The following SEC22A variants were observed in gnomAD, a reference collection of about 807,000 sequenced individuals.
The protein encoded by SEC22A is vesicle-trafficking protein SEC22a.
Under a neutral mutation model 35.3 loss-of-function variants are expected in SEC22A, and 22 were observed. The observed-to-expected ratio is 0.62, with a 90% CI of 0.45 to 0.89. The LOEUF (loss-of-function observed/expected upper bound fraction) is 0.89, where lower values mean the gene tolerates loss of function less well. SEC22A is among the 40% of genes least tolerant of loss of function. SEC22A has a pLI of 0.00. For synonymous variants in SEC22A, 119 were observed against 129.5 expected (o/e 0.92, Z 0.55); for missense variants, 354 against 362.5 (o/e 0.98, Z 0.19).
chr3:123,207,707 T>C (rs529406153), intron 1 of SEC22A, among the ~76,000 whole-genome samples: 6 of 152,336 alleles, frequency 3.9e-5, no homozygotes, highest in Admixed American at 6.5e-5. Context: ...TTCAACTTCT[T>C]ATGCAAGCTA....
At chr3:123,216,818 C>T (rs1937034648) in intron 2 of SEC22A, among the ~76,000 whole-genome samples, 1 of 152,136 alleles carries the variant, frequency 6.6e-6, no homozygotes, top group African/African-American at 2.4e-5. Flanking sequence ...TGTTGAGCCC[C>T]TCTATTCAAT....
intron 4 of SEC22A, among the ~76,000 whole-genome samples, chr3:123,236,522 G>A (rs1937421327): frequency 1.3e-5 from 2 of 152,124 alleles, no homozygotes; most frequent in African/African-American, 4.8e-5. Context: ...ATTTTGGAGA[G>A]CGTCTCTCCA....
intron 6 of SEC22A, among the ~76,000 whole-genome samples, chr3:123,269,177 ATATG>A (rs1419091190): frequency 5.4e-5 from 6 of 112,128 alleles, no homozygotes; most frequent in African/African-American, 1.9e-4. Context: ...TGAATTAAAT[ATATG>A]TGTGTGTGTG....
Position 123,271,888 on chromosome 3 carries a change from A to ACCTGCTAG in SEC22A, c.*166_*167insCCTGCTAG. ...CATGATGTGCCTGTGAGCATGGAAG[A>ACCTGCTAG]GTCCTCTCAGAAGAATGTTGGCCAT... On this transcript the variant is annotated 3_prime_UTR_variant, in exon 7 of 7. Transcript: ENST00000492595. The ACCTGCTAG allele has an allele frequency of 3.6e-6, 2 of 557,588 alleles. No homozygotes were observed. The highest frequency in any genetic ancestry group is 6.1e-6 in the Non-Finnish European group (2 of 325,598). The allele number at this position is 557,588 out of a possible 1,614,324, so 34.5% of individuals were successfully genotyped here.
chr3:123,257,132 A>G (rs1055077621), intron 5 of SEC22A, among the ~76,000 whole-genome samples: 1 of 152,170 alleles, frequency 6.6e-6, no homozygotes, highest in Non-Finnish European at 1.5e-5. Flanking sequence ...TATTTATTAA[A>G]TGGAATAATA....
chr3:123,225,576 G>A (rs1937205943), intron 4 of SEC22A, among the ~76,000 whole-genome samples: 1 of 151,958 alleles, frequency 6.6e-6, no homozygotes, highest in African/African-American at 2.4e-5. Context: ...GTACATATTC[G>A]GTGTGTAATA....
intron 2 of SEC22A, among the ~76,000 whole-genome samples, chr3:123,220,773 A>G (rs1322845182): frequency 6.6e-6 from 1 of 151,048 alleles, no homozygotes; most frequent in African/African-American, 2.4e-5. Context: ...GATCAGCACT[A>G]TTTCACCACT....
chr3:123,214,150 G>A (rs576022472), intron 2 of SEC22A, among the ~76,000 whole-genome samples: 34 of 152,308 alleles, frequency 2.2e-4, no homozygotes, highest in African/African-American at 6.5e-4. Flanking sequence ...AGCTGAGATC[G>A]TGCCACTGCA....
intron 4 of SEC22A, among the ~76,000 whole-genome samples, chr3:123,235,391 C>T (rs937382280): frequency 2.6e-5 from 4 of 151,998 alleles, no homozygotes; most frequent in Non-Finnish European, 5.9e-5. Context: ...GGCATTTTTG[C>T]AAAGAAGTTG....
intron 2 of SEC22A, among the ~76,000 whole-genome samples, chr3:123,218,822 CATTT>C (rs1559752761): frequency 6.6e-6 from 1 of 152,124 alleles, no homozygotes; most frequent in East Asian, 1.9e-4. Context: ...CCTTTGCACT[CATTT>C]ATTTACTGAG....
At position 123,272,174 on chromosome 3, in the gene SEC22A, A is replaced by T. The variant is rs1137138; in HGVS notation, c.*452A>T. The T allele has an allele frequency of 0.71, 110,224 of 156,122 alleles. 40,020 individuals carry two copies. Among genetic ancestry groups the T allele is most frequent in the East Asian group, 0.88 (4,635 of 5,290 alleles). 9.7% of individuals were successfully genotyped at this position (156,122 alleles called of 1,614,324 possible). Reference sequence around the variant, plus strand: ...TTTTAAATAAATGACTGTGATAAATATCAGATTATTTGCACACTTATGGTA... The same window carrying T: ...TTTTAAATAAATGACTGTGATAAATTTCAGATTATTTGCACACTTATGGTA... On this transcript the variant is annotated 3_prime_UTR_variant, in exon 7 of 7. Coordinates refer to ENST00000492595, the MANE Select transcript of SEC22A (RefSeq NM_012430.5).
intron 2 of SEC22A, among the ~76,000 whole-genome samples, chr3:123,216,287 G>A (rs140360284): frequency 1.3e-5 from 2 of 152,252 alleles, no homozygotes; most frequent in African/African-American, 4.8e-5. Flanking sequence ...TTCATTCTCT[G>A]GAGTGTGGCT....
chr3:123,240,718 T>A (rs1937512207), intron 4 of SEC22A, among the ~76,000 whole-genome samples: 1 of 152,222 alleles, frequency 6.6e-6, no homozygotes, highest in Admixed American at 6.5e-5. Context: ...TGTAAGATTT[T>A]ACTTTCCCAA....
chr3:123,271,427 A>C lies in SEC22A; in HGVS notation c.724-95A>C, dbSNP rs1317325213. On this transcript the variant is annotated intron_variant, in intron 6 of 6. Transcript: ENST00000492595. ...ATAAAAAATAACCTTATCCATTCTT[A>C]TATTTTACTCTCTGACCTGTTACAA... 3.1e-6 allele frequency: 3 copies of C among 965,410 alleles called. No individual in the cohort carries two copies. The Admixed American group carries it at 6.3e-5, about 20-fold the overall frequency. 59.8% of individuals were successfully genotyped at this position (965,410 alleles called of 1,614,324 possible).
At chr3:123,263,790 C>T (rs1321063472) in intron 6 of SEC22A, among the ~76,000 whole-genome samples, 1 of 152,156 alleles carries the variant, frequency 6.6e-6, no homozygotes, top group Non-Finnish European at 1.5e-5. Context: ...AGGCATAAGC[C>T]AGATAGGCAT....
chr3:123,259,434 G>T, intron 5 of SEC22A, 90 bp from the exon 6 acceptor site: 1 of 888,566 alleles, frequency 1.1e-6, no homozygotes, highest in Non-Finnish European at 1.8e-6. Flanking sequence ...TTGACTGTTT[G>T]TAAATATTGT....
rs754123559 is a variant in SEC22A at position 123,228,402 on chromosome 3, TAAAAAA to T, written c.541+3123_541+3128del. Among the ~76,000 whole-genome samples the T allele has an allele frequency of 1.8e-4, 16 of 90,134 alleles. No individual in the cohort carries two copies. In the East Asian group the frequency reaches 3.5e-3, roughly 20 times the overall value. 59.1% of individuals were successfully genotyped at this position (90,134 alleles called of 152,430 possible). A position where few individuals can be genotyped will look rare whatever the true frequency, so the allele number is the denominator to read the frequency against. On this transcript the variant is annotated intron_variant, in intron 4 of 6. Coordinates refer to ENST00000492595, the MANE Select transcript of SEC22A (RefSeq NM_012430.5). ...CAACATGGAGAAATCCCGTCTCTAC[TAAAAAA>T]AAAAAAAAAAAAAAAAATTAGTTGG...
At chr3:123,265,346 T>G (rs1352979296) in intron 6 of SEC22A, among the ~76,000 whole-genome samples, 1 of 152,064 alleles carries the variant, frequency 6.6e-6, no homozygotes, top group Non-Finnish European at 1.5e-5. Flanking sequence ...ATACTAATCC[T>G]TTGTCAGAAA....
At chr3:123,220,849 G>A (rs1300024284) in intron 2 of SEC22A, among the ~76,000 whole-genome samples, 1 of 104,780 alleles carries the variant, frequency 9.5e-6, no homozygotes, top group Non-Finnish European at 2.2e-5. Context: ...TGCCTAGGAT[G>A]GTCTTTAAAA....
Sources: gnomAD v4.1 joint callset for allele counts (sites outside exome capture counted in the v4.1 genomes callset) on GRCh38, gnomAD v4.1.1 for gene constraint, MANE v1.5 for transcripts, NCBI Gene and HGNC (gene_info 2026-07-23, HGNC 2026-07-21) for gene names.